Variants in GTPBP10 observed in about 807,000 individuals in gnomAD.
GTPBP10 encodes GTP binding protein 10.
In GTPBP10, 38 loss-of-function variants were observed where a neutral mutation model predicts 44.8. That is an observed-to-expected ratio of 0.85 (90% CI 0.65 to 1.11). The LOEUF (loss-of-function observed/expected upper bound fraction) is 1.11, where lower values mean the gene tolerates loss of function less well. GTPBP10 is among the 50% of genes most tolerant of loss of function. The pLI is 0.00. For missense variants in GTPBP10, 462 were observed against 453.7 expected, an observed-to-expected ratio of 1.02 and a Z score of -0.17; for synonymous variants, 152 against 150.6, an observed-to-expected ratio of 1.01 and a Z score of -0.07.
At chr7:90,371,640 G>C (rs147289422) in intron 4 of GTPBP10, among the ~76,000 whole-genome samples, 1 of 152,132 alleles carries the variant, frequency 6.6e-6, no homozygotes, top group Non-Finnish European at 1.5e-5. Context: ...TATTTGTAAC[G>C]TACAGACCTT....
chr7:90,368,873 C>T (rs991912540), intron 4 of GTPBP10, among the ~76,000 whole-genome samples: 5 of 152,196 alleles, frequency 3.3e-5, no homozygotes, highest in Non-Finnish European at 2.9e-5. Flanking sequence ...AGAATAGGCA[C>T]TCTGGTTTTT....
rs566028082 is a variant in GTPBP10 at position 90,347,703 on chromosome 7, GTAA to G, written c.33+935_33+937del. On this transcript the variant is annotated intron_variant, in intron 1 of 9. Coordinates refer to ENST00000222511, the MANE Select transcript of GTPBP10 (RefSeq NM_033107.4). ...AATGCAGCGTGAGATTTATAAAGGT[GTAA>G]TAATAGAGATATAATCAAATTGCTG... 1,263 of 153,934 alleles carry G rather than the reference GTAA, an allele frequency of 8.2e-3. 15 individuals carry two copies. The highest frequency in any genetic ancestry group is 0.029 in the African/African-American group (1,187 of 41,614). 9.5% of individuals were successfully genotyped at this position (153,934 alleles called of 1,614,324 possible).
chr7:90,352,726 GA>G, intron 1 of GTPBP10, 89 bp from the exon 2 acceptor site: 1 of 1,013,084 alleles, frequency 9.9e-7, no homozygotes, highest in Non-Finnish European at 1.4e-6. Flanking sequence ...GACTTTTTTA[GA>G]AGAAGTTTTA....
chr7:90,347,563 G>C (rs1405697224), intron 1 of GTPBP10: 1 of 562,946 alleles, frequency 1.8e-6, no homozygotes, highest in Non-Finnish European at 2.3e-6. Flanking sequence ...TGTGGATTAT[G>C]AATTTAAGAA....
In GTPBP10 at chr7:90,388,829, A is replaced by G. The variant is rs1178348610; in HGVS notation, c.*3675A>G. 1 of 152,216 alleles carries G rather than the reference A, an allele frequency of 6.6e-6. No homozygotes were observed. The highest frequency in any genetic ancestry group is 1.5e-5 in the Non-Finnish European group (1 of 68,028). The allele number at this position is 152,216 out of a possible 1,614,324, so 9.4% of individuals were successfully genotyped here. A position where few individuals can be genotyped will look rare whatever the true frequency, so the allele number is the denominator to read the frequency against. ...CCGAAAAATGTACATAAACACATAA[A>G]CTATTTTCCAAGCAGTTTCACAGTG... On this transcript the variant is annotated 3_prime_UTR_variant, in exon 10 of 10. Coordinates refer to ENST00000222511, the MANE Select transcript of GTPBP10 (RefSeq NM_033107.4).
intron 4 of GTPBP10, among the ~76,000 whole-genome samples, chr7:90,363,928 A>G (rs1389218201): frequency 6.6e-6 from 1 of 152,222 alleles, no homozygotes; most frequent in Non-Finnish European, 1.5e-5. Context: ...TGATCAAATC[A>G]GCTACTGAAG....
Position 90,377,523 on chromosome 7 carries a change from T to C in GTPBP10, c.608T>C (p.Leu203Pro). The change falls in exon 7 of 10, where the codon CTT becomes CCT. Residue 203 changes from leucine (L) to proline (P), a missense_variant. Transcript: ENST00000222511. Reference protein sequence around the residue: ...SDFKQISVADLPGLIEGAHMN... With the variant: ...SDFKQISVADPPGLIEGAHMN... ...TTGTATTAGATATCAGTAGCTGATC[T>C]TCCGGGTTTAATAGAAGGAGCACAT... 1 of 1,607,410 alleles carries C rather than the reference T, an allele frequency of 6.2e-7. No individual in the cohort carries two copies. Among genetic ancestry groups the C allele is most frequent in the Non-Finnish European group, 8.5e-7 (1 of 1,176,908 alleles).
At chr7:90,375,484 C>T (rs914087354) in intron 6 of GTPBP10, among the ~76,000 whole-genome samples, 9 of 151,524 alleles carry the variant, frequency 5.9e-5, no homozygotes, top group Admixed American at 1.3e-4. Context: ...TTTAAAGAAA[C>T]ATAAAAAAGT....
At chr7:90,368,758 G>A (rs1367211693) in intron 4 of GTPBP10, among the ~76,000 whole-genome samples, 1 of 152,178 alleles carries the variant, frequency 6.6e-6, no homozygotes, top group African/African-American at 2.4e-5. Flanking sequence ...GCTCAGTGAA[G>A]TTTTTTATTA....
intron 4 of GTPBP10, 103 bp from the exon 5 acceptor site, chr7:90,372,052 T>C: frequency 1.5e-6 from 1 of 657,382 alleles, no homozygotes; most frequent in Admixed American, 3.0e-5. Context: ...ACATTTATAT[T>C]CTACTTTTAA....
intron 4 of GTPBP10, among the ~76,000 whole-genome samples, chr7:90,366,957 A>T (rs1272038760): frequency 6.6e-6 from 1 of 152,058 alleles, no homozygotes; most frequent in African/African-American, 2.4e-5. Context: ...CACTGTTTTA[A>T]GTGTGTCCCA....
intron 4 of GTPBP10, among the ~76,000 whole-genome samples, chr7:90,359,449 T>G (rs1030931645): frequency 4.6e-5 from 7 of 152,220 alleles, no homozygotes; most frequent in African/African-American, 1.7e-4. Context: ...GCTTCATCCA[T>G]GTCCCTGCAA....
At chr7:90,370,591 A>G (rs1450420801) in intron 4 of GTPBP10, among the ~76,000 whole-genome samples, 2 of 152,154 alleles carry the variant, frequency 1.3e-5, no homozygotes, top group Non-Finnish European at 1.5e-5. Context: ...GTTGGGTACA[A>G]TGTACACTAC....
intron 5 of GTPBP10, 70 bp from the exon 6 acceptor site, chr7:90,374,232 C>A: frequency 9.9e-7 from 1 of 1,011,410 alleles, no homozygotes; most frequent in South Asian, 1.3e-5. Flanking sequence ...TGCATAATAC[C>A]AAGACAGTTT....
At chr7:90,372,360 G>A (rs1796273470) in intron 5 of GTPBP10, 132 bp downstream of exon 5, 4 of 605,944 alleles carry the variant, frequency 6.6e-6, no homozygotes, top group South Asian at 6.3e-5. Context: ...ATAGACTACT[G>A]TTGCACAGGC....
chr7:90,387,826 C>G lies in GTPBP10; in HGVS notation c.*2672C>G, dbSNP rs1015907827. ...AAAAGCGTTTGGAATTTATAGTGAT[C>G]ACAGTGACCAGGTTTTGTATTGGGT... On this transcript the variant is annotated 3_prime_UTR_variant, in exon 10 of 10. Coordinates refer to ENST00000222511, the MANE Select transcript of GTPBP10 (RefSeq NM_033107.4). The G allele has an allele frequency of 6.6e-6, 1 of 152,154 alleles. No individual in the cohort carries two copies. Among genetic ancestry groups the G allele is most frequent in the Admixed American group, 6.5e-5 (1 of 15,282 alleles). 9.4% of individuals were successfully genotyped at this position (152,154 alleles called of 1,614,324 possible).
At chr7:90,349,296 T>C (rs1488970943) in intron 1 of GTPBP10, among the ~76,000 whole-genome samples, 5 of 152,214 alleles carry the variant, frequency 3.3e-5, no homozygotes, top group Admixed American at 6.5e-5. Flanking sequence ...TAGAAAATCA[T>C]GTTTAATGAG....
Position 90,352,851 on chromosome 7 carries a change from CA to C in GTPBP10, c.70del (p.Arg24GlyfsTer12). ...TCATCGATAAGCTAAGACTCTTCAC[CA>C]GGGGAGGATCCGGTGGAATGGGTTA... ...NFIDKLRLFT[R>X]GGSGGMGYPR... On this transcript the variant is annotated frameshift_variant, in exon 2 of 10. Coordinates refer to ENST00000222511, the MANE Select transcript of GTPBP10 (RefSeq NM_033107.4). LOFTEE classifies it high-confidence loss of function. The C allele has an allele frequency of 1.2e-6, 2 of 1,612,630 alleles. No individual in the cohort carries two copies. The highest frequency in any genetic ancestry group is 1.7e-6 in the Non-Finnish European group (2 of 1,179,538).
chr7:90,355,030 A>T, intron 3 of GTPBP10, 56 bp from the exon 4 acceptor site: 1 of 1,120,686 alleles, frequency 8.9e-7, no homozygotes, highest in Non-Finnish European at 1.3e-6. Context: ...AATATATTGC[A>T]TTAGTGATTT....
Sources: gnomAD v4.1 joint callset for allele counts (sites outside exome capture counted in the v4.1 genomes callset) on GRCh38, gnomAD v4.1.1 for gene constraint, MANE v1.5 for transcripts, NCBI Gene and HGNC (gene_info 2026-07-23, HGNC 2026-07-21) for gene names.